RAP1A: variants seen among roughly 807,000 people sequenced by gnomAD.
RAP1A encodes RAP1A, member of RAS oncogene family.
RAP1A carries 6 observed loss-of-function variants against 26.4 expected under a neutral mutation model. The observed-to-expected ratio is 0.23, with a 90% CI of 0.12 to 0.45. The LOEUF (loss-of-function observed/expected upper bound fraction) is 0.45, where lower values mean the gene tolerates loss of function less well. Among genes scored for constraint, RAP1A ranks in the 20% least tolerant of loss-of-function variants. RAP1A has a pLI of 0.99. For missense variants in RAP1A, 121 were observed against 217.2 expected, an observed-to-expected ratio of 0.56 and a Z score of 2.78; for synonymous variants, 73 against 79.4, an observed-to-expected ratio of 0.92 and a Z score of 0.43.
rs1444506719 is a variant in RAP1A, at chr1:111,581,684, A to G, written c.-28+39175A>G. Among the ~76,000 whole-genome samples, 11 of 152,372 alleles carry G rather than the reference A, an allele frequency of 7.2e-5. No individual in the cohort carries two copies. The East Asian group carries it at 2.1e-3, about 29-fold the overall frequency. On this transcript the variant is annotated intron_variant, in intron 1 of 7. Transcript: ENST00000356415. ...CTTTCATCTGGAAGCCCTATAACTT[A>G]AGCATGGCATAAAAAAATTGAATAC...
At chr1:111,596,879 A>G (rs1658572837) in intron 1 of RAP1A, among the ~76,000 whole-genome samples, 1 of 152,250 alleles carries the variant, frequency 6.6e-6, no homozygotes, top group African/African-American at 2.4e-5. Flanking sequence ...CATCACATTC[A>G]GGATTAGCTT....
intron 2 of RAP1A, among the ~76,000 whole-genome samples, chr1:111,691,902 G>A (rs979973381): frequency 6.6e-6 from 1 of 152,176 alleles, no homozygotes; most frequent in Non-Finnish European, 1.5e-5. Flanking sequence ...TTCTTATGGA[G>A]CTTGCATTAT....
At chr1:111,685,414 T>G in intron 1 of RAP1A, among the ~76,000 whole-genome samples, 1 of 82,018 alleles carries the variant, frequency 1.2e-5, no homozygotes. Flanking sequence ...ACAAGGAACT[T>G]AAACAAATTT....
intron 1 of RAP1A, among the ~76,000 whole-genome samples, chr1:111,597,482 A>G (rs762891878): frequency 5.3e-5 from 8 of 152,238 alleles, no homozygotes; most frequent in African/African-American, 1.4e-4. Context: ...ATACTCCAGG[A>G]AAGTCCAGAT....
chr1:111,680,335 C>G (rs909843584), intron 1 of RAP1A, among the ~76,000 whole-genome samples: 2 of 152,158 alleles, frequency 1.3e-5, no homozygotes, highest in African/African-American at 2.4e-5. Flanking sequence ...CTTTTATTCC[C>G]TTATTTGTCC....
upstream of RAP1A, among the ~76,000 whole-genome samples, chr1:111,618,218 C>A (rs1266052797): frequency 2.0e-5 from 3 of 152,148 alleles, no homozygotes; most frequent in Non-Finnish European, 4.4e-5. Flanking sequence ...TATTAACATA[C>A]CCTAATCAGA....
At chr1:111,683,104 A>T (rs1286885388) in intron 1 of RAP1A, among the ~76,000 whole-genome samples, 1 of 152,198 alleles carries the variant, frequency 6.6e-6, no homozygotes, top group Non-Finnish European at 1.5e-5. Context: ...GAAATAAATA[A>T]GTTCTTTGAA....
chr1:111,597,406 C>T (rs1658582032), intron 1 of RAP1A, among the ~76,000 whole-genome samples: 1 of 151,942 alleles, frequency 6.6e-6, no homozygotes, highest in Non-Finnish European at 1.5e-5. Flanking sequence ...AATATTGTGC[C>T]CAAGAAATAA....
At chr1:111,608,629 C>T (rs1050243669) in intron 1 of RAP1A, 1 of 169,128 alleles carries the variant, frequency 5.9e-6, no homozygotes, top group Non-Finnish European at 1.2e-5. Flanking sequence ...CTGAGTGAAC[C>T]AGACTCCGTC....
intron 1 of RAP1A, among the ~76,000 whole-genome samples, chr1:111,624,971 T>C (rs1175220577): frequency 2.6e-5 from 4 of 152,192 alleles, no homozygotes; most frequent in Admixed American, 6.5e-5. Flanking sequence ...TCCCAGTGTT[T>C]CTTACCTCTA....
chr1:111,713,581 A>G lies in RAP1A; in HGVS notation c.*1180A>G, dbSNP rs1662448878. The G allele has an allele frequency of 6.6e-6, 1 of 152,210 alleles. No homozygotes were observed. The highest frequency in any genetic ancestry group is 2.1e-4 in the South Asian group (1 of 4,836). 9.4% of individuals were successfully genotyped at this position (152,210 alleles called of 1,614,324 possible). A position where few individuals can be genotyped will look rare whatever the true frequency, so the allele number is the denominator to read the frequency against. On this transcript the variant is annotated 3_prime_UTR_variant, in exon 8 of 8. Coordinates refer to ENST00000369709, the MANE Select transcript of RAP1A (RefSeq NM_002884.4). Reference sequence around the variant, plus strand: ...TCAAACTTGCTTTATAATAGATTGAAGAATTTGAGAGAAGTGAGAGAAAGT... The same window carrying G: ...TCAAACTTGCTTTATAATAGATTGAGGAATTTGAGAGAAGTGAGAGAAAGT...
At chr1:111,626,865 A>T (rs1308368962) in intron 1 of RAP1A, among the ~76,000 whole-genome samples, 1 of 152,160 alleles carries the variant, frequency 6.6e-6, no homozygotes, top group African/African-American at 2.4e-5. Context: ...TTAGATAGTG[A>T]GCCTTGTGCA....
chr1:111,607,228 C>G lies in RAP1A; in HGVS notation c.-28+64719C>G, dbSNP rs544752781. Among the ~76,000 whole-genome samples the G allele has an allele frequency of 1.6e-3, 236 of 151,604 alleles. 1 individual carries two copies. The highest frequency in any genetic ancestry group is 4.5e-3 in the African/African-American group (186 of 41,306). Reference sequence around the variant, plus strand: ...ATTAGGGAGTGGTGATGACTCTTAACGAGCATGCTGCCTTCAAGCATCTGT... The same window carrying G: ...ATTAGGGAGTGGTGATGACTCTTAAGGAGCATGCTGCCTTCAAGCATCTGT... On this transcript the variant is annotated intron_variant, in intron 1 of 7. Transcript: ENST00000356415.
intron 4 of RAP1A, among the ~76,000 whole-genome samples, chr1:111,698,242 T>C (rs1318300489): frequency 6.6e-6 from 1 of 152,196 alleles, no homozygotes; most frequent in African/African-American, 2.4e-5. Context: ...CTTGACACAT[T>C]AGGCAATTCT....
rs1662444373 is a variant in RAP1A at position 111,713,397 on chromosome 1, A to G, written c.*996A>G. On this transcript the variant is annotated 3_prime_UTR_variant, in exon 8 of 8. Transcript: ENST00000369709. ...TGTATCTTATTGAATATCCCACTGT[A>G]TATTATTTTTATATGTAAAAAGATA... 1 of 152,150 alleles carries G rather than the reference A, an allele frequency of 6.6e-6. No individual in the cohort carries two copies. Among genetic ancestry groups the G allele is most frequent in the African/African-American group, 2.4e-5 (1 of 41,446 alleles). 9.4% of individuals were successfully genotyped at this position (152,150 alleles called of 1,614,324 possible).
chr1:111,619,371 C>T (rs1659089807), upstream of RAP1A, among the ~76,000 whole-genome samples: 2 of 152,190 alleles, frequency 1.3e-5, no homozygotes, highest in African/African-American at 2.4e-5. Context: ...TGTTTGTTGT[C>T]TGTCTCCCCT....
intron 1 of RAP1A, among the ~76,000 whole-genome samples, chr1:111,605,262 T>C (rs1017056609): frequency 7.2e-5 from 11 of 152,184 alleles, no homozygotes; most frequent in Non-Finnish European, 1.6e-4. Context: ...CACTTGCCAA[T>C]GCAAAACCAA....
intron 1 of RAP1A, among the ~76,000 whole-genome samples, chr1:111,574,199 T>G (rs898574275): frequency 6.6e-6 from 1 of 152,246 alleles, no homozygotes; most frequent in Non-Finnish European, 1.5e-5. Context: ...CCTAGCACTA[T>G]GTATTGAATA....
intron 1 of RAP1A, among the ~76,000 whole-genome samples, chr1:111,585,005 G>A (rs553137902): frequency 5.2e-4 from 79 of 152,238 alleles, no homozygotes; most frequent in Non-Finnish European, 7.4e-4. Context: ...ATTAGGAGCC[G>A]CAGATGGCAA....
Sources: gnomAD v4.1 joint callset for allele counts (sites outside exome capture counted in the v4.1 genomes callset) on GRCh38, gnomAD v4.1.1 for gene constraint, MANE v1.5 for transcripts, NCBI Gene and HGNC (gene_info 2026-07-23, HGNC 2026-07-21) for gene names.